DPP10: variants seen among roughly 807,000 people sequenced by gnomAD.
The protein encoded by DPP10 is dipeptidyl peptidase like 10.
Under a neutral mutation model 120.9 loss-of-function variants are expected in DPP10, and 33 were observed. The observed-to-expected ratio is 0.27, with a 90% CI of 0.21 to 0.37. The LOEUF (loss-of-function observed/expected upper bound fraction) is 0.37, where lower values mean the gene tolerates loss of function less well. DPP10 is among the 10% of genes least tolerant of loss of function. DPP10 has a pLI of 1.00. For missense variants in DPP10, 816 were observed against 942.8 expected, an observed-to-expected ratio of 0.87 and a Z score of 1.76; for synonymous variants, 337 against 326.1, an observed-to-expected ratio of 1.03 and a Z score of -0.36.
chr2:115,421,517 A>C (rs1316898112), intron 3 of DPP10, among the ~76,000 whole-genome samples: 1 of 152,160 alleles, frequency 6.6e-6, no homozygotes, highest in African/African-American at 2.4e-5. Context: ...AAAATAGTAT[A>C]AAAACAGGAA....
At chr2:114,625,462 C>A (rs903000644) in intron 1 of DPP10, among the ~76,000 whole-genome samples, 1 of 151,900 alleles carries the variant, frequency 6.6e-6, no homozygotes, top group Non-Finnish European at 1.5e-5. Flanking sequence ...TCATTTAGGA[C>A]TGACAAAAAA....
chr2:115,527,066 T>G (rs1291199845), intron 5 of DPP10, among the ~76,000 whole-genome samples: 1 of 152,144 alleles, frequency 6.6e-6, no homozygotes, highest in African/African-American at 2.4e-5. Flanking sequence ...TAACATTATC[T>G]GAAAAATCTA....
intron 1 of DPP10, among the ~76,000 whole-genome samples, chr2:115,071,437 A>G (rs111370585): frequency 1.3e-5 from 2 of 152,168 alleles, no homozygotes; most frequent in Admixed American, 6.6e-5. Context: ...GGGAAGAGAG[A>G]TGGGAGCCAA....
Position 115,578,245 on chromosome 2 carries a change from A to C in DPP10, c.441+52273A>C, listed in dbSNP as rs75784216. ...CACAGTATAATCTCATTTTTTGTGC[A>C]CCATAAGGGAATCCATTTGAAATGT... is the stretch of plus-strand genomic sequence containing the variant. On this transcript the variant is annotated intron_variant, in intron 5 of 25. Coordinates refer to ENST00000410059, the MANE Select transcript of DPP10 (RefSeq NM_020868.6). 7.7e-3 allele frequency among the ~76,000 whole-genome samples: 1,169 copies of C among 152,210 alleles called. 39 individuals are homozygous for C. The highest frequency in any genetic ancestry group is 0.07 in the East Asian group (361 of 5,176).
chr2:115,840,899 A>C, intron 25 of DPP10, 76 bp downstream of exon 25: 1 of 1,179,434 alleles, frequency 8.5e-7, no homozygotes, highest in Non-Finnish European at 1.2e-6. Flanking sequence ...CAGCTTCTCT[A>C]TTATTCCATT....
intron 1 of DPP10, among the ~76,000 whole-genome samples, chr2:114,516,264 A>C (rs1176462060): frequency 1.3e-5 from 2 of 152,230 alleles, no homozygotes; most frequent in East Asian, 3.9e-4. Flanking sequence ...TTATGGGCAA[A>C]TTCGGGAGAT....
At chr2:114,984,439 GA>G (rs1272272619) in intron 1 of DPP10, among the ~76,000 whole-genome samples, 1,781 of 143,288 alleles carry the variant, frequency 0.012, 38 homozygotes, top group Admixed American at 0.051. Context: ...AATAAAAAAG[GA>G]AAAAAAAAAA....
intron 3 of DPP10, among the ~76,000 whole-genome samples, chr2:115,368,851 ACAT>A (rs1340615489): frequency 6.6e-5 from 10 of 151,808 alleles, no homozygotes; most frequent in Admixed American, 6.6e-4. Flanking sequence ...ATAAAATTTG[ACAT>A]CATCATAGAA....
chr2:115,534,188 C>A (rs1193736933), intron 5 of DPP10, among the ~76,000 whole-genome samples: 1 of 151,580 alleles, frequency 6.6e-6, no homozygotes, highest in Non-Finnish European at 1.5e-5. Flanking sequence ...TATACATGTG[C>A]CATGCTGGTG....
intron 1 of DPP10, among the ~76,000 whole-genome samples, chr2:114,706,220 A>G (rs1430741697): frequency 6.6e-6 from 1 of 152,180 alleles, no homozygotes; most frequent in African/African-American, 2.4e-5. Flanking sequence ...TTAGAATTAT[A>G]CAAGCCTGTC....
chr2:115,045,256 T>C (rs1338908414), intron 1 of DPP10, among the ~76,000 whole-genome samples: 1 of 152,196 alleles, frequency 6.6e-6, no homozygotes, highest in African/African-American at 2.4e-5. Context: ...TCTCCTGGAC[T>C]GATATATTGA....
At chr2:115,809,794 G>A (rs1044178176) in intron 19 of DPP10, among the ~76,000 whole-genome samples, 3 of 152,136 alleles carry the variant, frequency 2.0e-5, no homozygotes, top group African/African-American at 7.2e-5. Flanking sequence ...GTCGTCAGAA[G>A]TCCTCTCGTT....
At chr2:115,316,684 A>C (rs1286699864) in intron 2 of DPP10, among the ~76,000 whole-genome samples, 1 of 152,194 alleles carries the variant, frequency 6.6e-6, no homozygotes, top group Non-Finnish European at 1.5e-5. Flanking sequence ...GTGTGTCATT[A>C]TACAACTTTA....
At chr2:114,926,231 G>A (rs1695609176) in intron 1 of DPP10, among the ~76,000 whole-genome samples, 4 of 152,122 alleles carry the variant, frequency 2.6e-5, no homozygotes, top group Admixed American at 6.5e-5. Flanking sequence ...CGGAATTTAA[G>A]GTAACTTCTT....
chr2:115,736,767 T>C (rs896469463), intron 8 of DPP10, among the ~76,000 whole-genome samples: 6 of 152,164 alleles, frequency 3.9e-5, no homozygotes, highest in Non-Finnish European at 5.9e-5. Flanking sequence ...GCCACTACCA[T>C]TGGCAGGTAA....
chr2:115,458,044 A>C (rs1428861652), intron 3 of DPP10, among the ~76,000 whole-genome samples: 1 of 152,338 alleles, frequency 6.6e-6, no homozygotes, highest in East Asian at 1.9e-4. Context: ...GATTAAAAGA[A>C]GCATATGTAC....
At chr2:115,196,746 C>A (rs2055304246) in intron 1 of DPP10, among the ~76,000 whole-genome samples, 1 of 152,110 alleles carries the variant, frequency 6.6e-6, no homozygotes, top group Admixed American at 6.5e-5. Context: ...ATTCATGAAT[C>A]CTTTGGAGCT....
intron 3 of DPP10, among the ~76,000 whole-genome samples, chr2:115,474,864 G>A (rs1261120910): frequency 6.6e-6 from 1 of 152,074 alleles, no homozygotes; most frequent in Non-Finnish European, 1.5e-5. Context: ...AGACATTTGT[G>A]GCATCCACTC....
chr2:115,741,082 A>G (rs923761023), intron 9 of DPP10, among the ~76,000 whole-genome samples: 4 of 152,052 alleles, frequency 2.6e-5, no homozygotes, highest in African/African-American at 9.7e-5. Context: ...GGTCATTTAC[A>G]CTTTCCTTCT....
Sources: allele counts gnomAD v4.1 joint callset (sites outside exome capture counted in the v4.1 genomes callset), GRCh38; gene constraint gnomAD v4.1.1; transcripts MANE v1.5; gene names NCBI Gene and HGNC (gene_info 2026-07-23, HGNC 2026-07-21).